The following EPGN variants were observed in gnomAD, a reference collection of about 807,000 sequenced individuals.
The protein encoded by EPGN is epithelial mitogen, also known as epigen.
Under a neutral mutation model 20.7 loss-of-function variants are expected in EPGN, and 21 were observed. The observed-to-expected ratio is 1.01, with a 90% confidence interval of 0.72 to 1.46. The LOEUF (loss-of-function observed/expected upper bound fraction) is 1.46. Among genes scored for constraint, EPGN ranks in the 40% most tolerant of loss-of-function variants. EPGN has a pLI of 0.00. For missense variants in EPGN, 199 were observed against 180.7 expected (o/e 1.10, Z -0.58); for synonymous variants, 69 against 63.8 (o/e 1.08, Z -0.39).
chr4:74,311,862 T>C (rs1304875891), intron 2 of EPGN, among the ~76,000 whole-genome samples: 1 of 152,206 alleles, frequency 6.6e-6, no homozygotes, highest in Non-Finnish European at 1.5e-5. Flanking sequence ...GAAGCATCGC[T>C]CAAAATAACC....
At chr4:74,309,596 C>G (rs991892868) in intron 2 of EPGN, among the ~76,000 whole-genome samples, 1 of 152,120 alleles carries the variant, frequency 6.6e-6, no homozygotes, top group Non-Finnish European at 1.5e-5. Flanking sequence ...ACAGCACTTT[C>G]CCTCATCTTT....
intron 2 of EPGN, among the ~76,000 whole-genome samples, chr4:74,310,919 T>C (rs1162458765): frequency 6.6e-6 from 1 of 152,158 alleles, no homozygotes; most frequent in Non-Finnish European, 1.5e-5. Context: ...TGCTTTTTTT[T>C]CAAATATTTT....
intron 3 of EPGN, 152 bp downstream of exon 3, chr4:74,312,457 C>T: frequency 1.3e-6 from 1 of 780,828 alleles, no homozygotes; most frequent in East Asian, 3.0e-5. Flanking sequence ...ATTTGAATAT[C>T]TAAGGAGTCT....
chr4:74,309,837 C>T (rs550877750), intron 2 of EPGN, among the ~76,000 whole-genome samples: 1 of 152,212 alleles, frequency 6.6e-6, no homozygotes, highest in African/African-American at 2.4e-5. Flanking sequence ...CTTACCAAGA[C>T]CTGTGACTGA....
intron 2 of EPGN, 77 bp downstream of exon 2, chr4:74,309,259 A>G: frequency 3.7e-6 from 4 of 1,083,446 alleles, no homozygotes; most frequent in Non-Finnish European, 4.0e-6. Context: ...GATAAAAGCA[A>G]TATTGGCCAT....
intron 4 of EPGN, 73 bp from the exon 5 acceptor site, chr4:74,314,507 T>C: frequency 7.0e-7 from 1 of 1,422,626 alleles, no homozygotes; most frequent in South Asian, 1.2e-5. Context: ...TGCTGCAGGG[T>C]GCATTTATGT....
chr4:74,309,036 T>C lies in EPGN; in HGVS notation c.44-57T>C. ...ACAGAATAAGAATACTTTCCATCTG[T>C]TGCTTGTACATAGAAGGAGGCTCTC... is the stretch of plus-strand genomic sequence containing the variant. On this transcript the variant is annotated intron_variant, in intron 1 of 4. Coordinates refer to ENST00000413830, the MANE Select transcript of EPGN (RefSeq NM_001270989.2). The C allele has an allele frequency of 2.4e-6, 3 of 1,243,420 alleles. No individual in the cohort carries two copies. The South Asian group carries it at 3.9e-5, about 16-fold the overall frequency. 77.0% of individuals were successfully genotyped at this position (1,243,420 alleles called of 1,614,324 possible).
In EPGN at chr4:74,313,140, T is replaced by C; in HGVS notation, c.377T>C (p.Leu126Pro). Residue 126 changes from leucine (L) to proline (P), a missense_variant, in exon 4 of 5, where the codon CTT becomes CCT. By Grantham distance (98) the Leu-to-Pro change is moderately conservative. Transcript: ENST00000413830. ...IGVGLLLSGF[L>P]VIFYCYIRKR... ...GTTGGATTACTATTAAGTGGTTTTC[T>C]TGTTATTTTTTACTGCTATATAAGA... 1 of 1,611,998 alleles carries C rather than the reference T, an allele frequency of 6.2e-7. No individual in the cohort carries two copies. The highest frequency in any genetic ancestry group is 1.3e-5 in the African/African-American group (1 of 74,966).
intron 4 of EPGN, 83 bp from the exon 5 acceptor site, chr4:74,314,497 T>C: frequency 1.6e-5 from 22 of 1,375,480 alleles, no homozygotes; most frequent in Non-Finnish European, 2.2e-5. Flanking sequence ...CAAGAGCAAC[T>C]GCTGCAGGGT....
In EPGN at chr4:74,314,756, G is replaced by A. The variant is rs1751190002; in HGVS notation, c.*119G>A. On this transcript the variant is annotated 3_prime_UTR_variant, in exon 5 of 5. Coordinates refer to ENST00000413830, the MANE Select transcript of EPGN (RefSeq NM_001270989.2). ...ACTAGACTCGAAAATAATGAAAGTTGGGATCACAATGAAATGAGAAGATAA... is the reference window on the plus strand; with the variant it reads ...ACTAGACTCGAAAATAATGAAAGTTAGGATCACAATGAAATGAGAAGATAA... 1.3e-5 allele frequency: 12 copies of A among 938,170 alleles called. No individual in the cohort carries two copies. Among genetic ancestry groups the A allele is most frequent in the Admixed American group, 5.0e-5 (2 of 40,388 alleles). The allele number at this position is 938,170 out of a possible 1,614,324, so 58.1% of individuals were successfully genotyped here. A position where few individuals can be genotyped will look rare whatever the true frequency, so the allele number is the denominator to read the frequency against.
At chr4:74,313,783 C>G (rs1231133214) in intron 4 of EPGN, among the ~76,000 whole-genome samples, 1 of 152,036 alleles carries the variant, frequency 6.6e-6, no homozygotes, top group Non-Finnish European at 1.5e-5. Flanking sequence ...AGGATAAAGT[C>G]AAGAAATAAA....
chr4:74,308,962 C>T (rs1347811112), intron 1 of EPGN, 131 bp from the exon 2 acceptor site: 5 of 693,672 alleles, frequency 7.2e-6, no homozygotes, highest in South Asian at 6.5e-5. Flanking sequence ...GCCCTAGTCA[C>T]GTTATGGATT....
In EPGN at chr4:74,316,712, A is replaced by T. The variant is rs191604850; in HGVS notation, c.*2075A>T. On this transcript the variant is annotated 3_prime_UTR_variant, in exon 5 of 5. Coordinates refer to ENST00000413830, the MANE Select transcript of EPGN (RefSeq NM_001270989.2). ...TGAGTATTTCAAAAAGATGTAAAAG[A>T]GCTGGGGAGAGTATGGGAAGAAACA... Among the ~76,000 whole-genome samples the T allele has an allele frequency of 3.4e-3, 511 of 152,318 alleles. 3 individuals are homozygous for T. The highest frequency in any genetic ancestry group is 0.012 in the African/African-American group (491 of 41,558).
At chr4:74,310,895 A>T (rs971353466) in intron 2 of EPGN, among the ~76,000 whole-genome samples, 1 of 152,200 alleles carries the variant, frequency 6.6e-6, no homozygotes, top group African/African-American at 2.4e-5. Context: ...AAGTCAGTAC[A>T]TGTTATGTAC....
At position 74,314,852 on chromosome 4, in the gene EPGN, A is replaced by G; in HGVS notation, c.*215A>G. Reference sequence around the variant, plus strand: ...GAAGCCAAGTGAACAAGCCTCAGTGACACAAGTCAAATTCATAGTTTCACT... The same window carrying G: ...GAAGCCAAGTGAACAAGCCTCAGTGGCACAAGTCAAATTCATAGTTTCACT... On this transcript the variant is annotated 3_prime_UTR_variant, in exon 5 of 5. Transcript: ENST00000413830. 1.8e-6 allele frequency: 1 copy of G among 556,314 alleles called. No individual in the cohort carries two copies. The highest frequency in any genetic ancestry group is 3.0e-5 in the East Asian group (1 of 32,906). 34.5% of individuals were successfully genotyped at this position (556,314 alleles called of 1,614,324 possible). A position where few individuals can be genotyped will look rare whatever the true frequency, so the allele number is the denominator to read the frequency against.
Position 74,314,882 on chromosome 4 carries a change from G to C in EPGN, c.*245G>C. ...AGTCAAATTCATAGTTTCACTCTGG[G>C]TTTTTTGTTGTTGTGTGGTTATTAT... is the stretch of plus-strand genomic sequence containing the variant. On this transcript the variant is annotated 3_prime_UTR_variant, in exon 5 of 5. Coordinates refer to ENST00000413830, the MANE Select transcript of EPGN (RefSeq NM_001270989.2). The C allele has an allele frequency of 1.9e-6, 1 of 516,600 alleles. No homozygotes were observed. Among genetic ancestry groups the C allele is most frequent in the South Asian group, 2.5e-5 (1 of 40,732 alleles). The allele number at this position is 516,600 out of a possible 1,614,324, so 32.0% of individuals were successfully genotyped here. A position where few individuals can be genotyped will look rare whatever the true frequency, so the allele number is the denominator to read the frequency against.
chr4:74,311,468 T>C (rs183020061), intron 2 of EPGN, among the ~76,000 whole-genome samples: 20 of 152,330 alleles, frequency 1.3e-4, no homozygotes, highest in Non-Finnish European at 2.8e-4. Context: ...GTTTTTTCCC[T>C]ACAAACAAGT....
At position 74,312,219 on chromosome 4, in the gene EPGN, C is replaced by G; in HGVS notation, c.168C>G (p.Phe56Leu). ...TAGAAGGACCCATAGCCTTGAAGTT[C>G]TCACACCTTTGCCTGGAAGATCATA... ...DNIEGPIALK[F>L]SHLCLEDHNS... Residue 56 changes from phenylalanine (F) to leucine (L), a missense_variant, in exon 3 of 5, where the codon TTC (phenylalanine) becomes TTG (leucine). Transcript: ENST00000413830. 3 of 1,613,076 alleles carry G rather than the reference C, an allele frequency of 1.9e-6. No individual in the cohort carries two copies. The highest frequency in any genetic ancestry group is 2.5e-6 in the Non-Finnish European group (3 of 1,179,444).
At chr4:74,313,203 T>C (rs1751078611) in intron 4 of EPGN, 33 bp downstream of exon 4, 1 of 1,592,098 alleles carries the variant, frequency 6.3e-7, no homozygotes, top group South Asian at 1.2e-5. Flanking sequence ...AGTCACTTCA[T>C]ATGCAATCGT....
Sources: allele counts gnomAD v4.1 joint callset (sites outside exome capture counted in the v4.1 genomes callset), GRCh38; gene constraint gnomAD v4.1.1; transcripts MANE v1.5; gene names NCBI Gene and HGNC (gene_info 2026-07-23, HGNC 2026-07-21).